The following CDH4 variants were observed in gnomAD, a reference collection of about 807,000 sequenced individuals.
CDH4 encodes cadherin 4, also known as cadherin-4.
CDH4 carries 33 observed loss-of-function variants against 86.0 expected under a neutral mutation model. The observed-to-expected ratio is 0.38, with a 90% CI of 0.29 to 0.51. CDH4 has a LOEUF of 0.51. Among genes scored for constraint, CDH4 ranks in the 20% least tolerant of loss-of-function variants. The probability of loss-of-function intolerance (pLI) is 0.86; values close to 1 mark genes in which losing one functional copy is unlikely to be tolerated. For synonymous variants in CDH4, 555 were observed against 549.4 expected (o/e 1.01, Z -0.14); for missense variants, 1,114 against 1,307.4 (o/e 0.85, Z 2.28).
At chr20:61,283,427 CG>C (rs2084273299) in intron 2 of CDH4, among the ~76,000 whole-genome samples, 1 of 138,612 alleles carries the variant, frequency 7.2e-6, no homozygotes, top group Non-Finnish European at 1.6e-5. Context: ...TGCGTTTGCA[CG>C]CGTGTGCTGT....
At chr20:61,911,273 A>G (rs1335225647) in intron 9 of CDH4, among the ~76,000 whole-genome samples, 1 of 152,176 alleles carries the variant, frequency 6.6e-6, no homozygotes, top group Admixed American at 6.5e-5. Flanking sequence ...TTGGTCAGAT[A>G]TGTTCTTCTA....
At chr20:61,901,904 C>T (rs950130973) in intron 8 of CDH4, among the ~76,000 whole-genome samples, 2 of 152,174 alleles carry the variant, frequency 1.3e-5, no homozygotes, top group African/African-American at 4.8e-5. Context: ...CACCACTGTC[C>T]GTCAGAGGTG....
chr20:61,458,925 T>G (rs1261527146), intron 2 of CDH4, among the ~76,000 whole-genome samples: 1 of 151,032 alleles, frequency 6.6e-6, no homozygotes, highest in Non-Finnish European at 1.5e-5. Context: ...TCTCTTGTTC[T>G]TCCTACATCT....
chr20:61,812,617 C>A (rs555906926), intron 4 of CDH4, among the ~76,000 whole-genome samples: 1 of 152,242 alleles, frequency 6.6e-6, no homozygotes, highest in South Asian at 2.1e-4. Flanking sequence ...ACATTCCCTG[C>A]CCCTGGTATG....
Position 61,565,298 on chromosome 20 carries a change from GCGGTGCTCT to G in CDH4, c.170-178264_170-178256del, listed in dbSNP as rs1395421600. 2.2e-3 allele frequency among the ~76,000 whole-genome samples: 127 copies of G among 58,148 alleles called. 25 individuals are homozygous for G. Among genetic ancestry groups the G allele is most frequent in the Non-Finnish European group, 3.8e-3 (110 of 28,664 alleles). The allele number at this position is 58,148 out of a possible 152,430, so 38.1% of individuals were successfully genotyped here. A position where few individuals can be genotyped will look rare whatever the true frequency, so the allele number is the denominator to read the frequency against. On this transcript the variant is annotated intron_variant, in intron 2 of 15. Transcript: ENST00000614565. ...TCTTGGTGATGGGGTGATGGTGGTG[GCGGTGCTCT>G]TGGTGGTGGCGGTGCTCTTGGTGAT...
At chr20:61,546,128 GTGGGATACGGTATTTGTTCACATTCGT>G (rs1207349982) in intron 2 of CDH4, among the ~76,000 whole-genome samples, 63 of 115,670 alleles carry the variant, frequency 5.4e-4, no homozygotes, top group Middle Eastern at 5.6e-3. Flanking sequence ...GTGGGGGTAT[GTGGGATACGGTATTTGTTCACATTCGT>G]GAGGGTGTGT....
chr20:61,284,248 A>C (rs2084281198), intron 2 of CDH4, among the ~76,000 whole-genome samples: 1 of 151,972 alleles, frequency 6.6e-6, no homozygotes, highest in Admixed American at 6.6e-5. Context: ...CGGGAGGCAT[A>C]GCTTGCAGTG....
intron 2 of CDH4, among the ~76,000 whole-genome samples, chr20:61,685,119 C>A (rs964882012): frequency 3.3e-5 from 5 of 152,184 alleles, no homozygotes; most frequent in Non-Finnish European, 7.3e-5. Context: ...CACAAATACA[C>A]CTTCTGTCTT....
rs1247980964 is a variant in CDH4 at position 61,661,086 on chromosome 20, G to GGGT, written c.170-82475_170-82474insTGG. Among the ~76,000 whole-genome samples the GGGT allele has an allele frequency of 3.0e-4, 26 of 85,524 alleles. 3 individuals carry two copies. The highest frequency in any genetic ancestry group is 4.9e-4 in the Non-Finnish European group (21 of 43,024). The allele number at this position is 85,524 out of a possible 152,430, so 56.1% of individuals were successfully genotyped here. A position where few individuals can be genotyped will look rare whatever the true frequency, so the allele number is the denominator to read the frequency against. ...GGCGGCATGGACAGGAGGCATGGCGGGGGGGGGGGAGACACAGTGCCAGGC... is the reference window on the plus strand; with the variant it reads ...GGCGGCATGGACAGGAGGCATGGCGGGGTGGGGGGGGGAGACACAGTGCCAGGC... On this transcript the variant is annotated intron_variant, in intron 2 of 15. Coordinates refer to ENST00000614565, the MANE Select transcript of CDH4 (RefSeq NM_001794.5).
At chr20:61,585,997 A>AGTG (rs140747928) in intron 2 of CDH4, among the ~76,000 whole-genome samples, 1 of 136,924 alleles carries the variant, frequency 7.3e-6, no homozygotes, top group Non-Finnish European at 1.5e-5. Flanking sequence ...GGTGATGATG[A>AGTG]TGATGGTGAT....
intron 6 of CDH4, among the ~76,000 whole-genome samples, chr20:61,853,960 A>G (rs1020909168): frequency 3.3e-5 from 5 of 152,308 alleles, no homozygotes; most frequent in African/African-American, 1.2e-4. Context: ...TGAAGTTCAG[A>G]GAGTCAGCAA....
intron 11 of CDH4, among the ~76,000 whole-genome samples, chr20:61,927,896 AGCTGCG>A (rs780009675): frequency 6.6e-6 from 1 of 150,836 alleles, no homozygotes; most frequent in East Asian, 2.0e-4. Flanking sequence ...GCGTGTGTGC[AGCTGCG>A]GGTGTGGGTG....
At chr20:61,380,966 A>C (rs1031304256) in intron 2 of CDH4, among the ~76,000 whole-genome samples, 31 of 152,252 alleles carry the variant, frequency 2.0e-4, no homozygotes, top group Admixed American at 7.2e-4. Context: ...CATCCTTTAT[A>C]ATCTAGCAAA....
chr20:61,615,217 G>A (rs1477301468), intron 2 of CDH4, among the ~76,000 whole-genome samples: 1 of 151,946 alleles, frequency 6.6e-6, no homozygotes, highest in Non-Finnish European at 1.5e-5. Flanking sequence ...CACATCCTGG[G>A]TTCAAGCGAT....
intron 10 of CDH4, 82 bp downstream of exon 10, chr20:61,923,786 C>T (rs2055012864): frequency 3.9e-6 from 6 of 1,520,950 alleles, no homozygotes; most frequent in Non-Finnish European, 5.3e-6. Context: ...CCCATGAAAC[C>T]CACAGCCCAG....
intron 2 of CDH4, among the ~76,000 whole-genome samples, chr20:61,654,437 GGGGAGA>G (rs532168210): frequency 3.9e-5 from 6 of 152,122 alleles, no homozygotes; most frequent in Non-Finnish European, 7.4e-5. Flanking sequence ...GGGAGACCGT[GGGGAGA>G]GGGAGAGGGA....
At chr20:61,838,860 A>G (rs6121815) in intron 4 of CDH4, among the ~76,000 whole-genome samples, 1 of 964 alleles carries the variant, frequency 1.0e-3, no homozygotes, top group East Asian at 0.5. Context: ...AAGGAAAAGG[A>G]AAAAAAAAAG....
intron 2 of CDH4, among the ~76,000 whole-genome samples, chr20:61,403,777 T>TA (rs1192281553): frequency 6.6e-6 from 1 of 152,096 alleles, no homozygotes; most frequent in Admixed American, 6.6e-5. Flanking sequence ...GCACAGATAG[T>TA]AGACTTAAAT....
chr20:61,475,144 G>C (rs2085527024), intron 2 of CDH4, among the ~76,000 whole-genome samples: 1 of 152,082 alleles, frequency 6.6e-6, no homozygotes, highest in Non-Finnish European at 1.5e-5. Context: ...TGTACAAAAG[G>C]GGGCATGTGT....
Sources: gnomAD v4.1 joint callset for allele counts (sites outside exome capture counted in the v4.1 genomes callset) on GRCh38, gnomAD v4.1.1 for gene constraint, MANE v1.5 for transcripts, NCBI Gene and HGNC (gene_info 2026-07-23, HGNC 2026-07-21) for gene names.